Variants in LMOD2 observed in about 807,000 individuals in gnomAD.
The protein encoded by LMOD2 is leiomodin-2.
LMOD2 carries 27 observed loss-of-function variants against 41.7 expected under a neutral mutation model. The observed-to-expected ratio is 0.65, with a 90% confidence interval of 0.48 to 0.89. The LOEUF (loss-of-function observed/expected upper bound fraction) is 0.89. Ranked by LOEUF, LMOD2 falls within the 40% of genes least tolerant of loss-of-function variation. The pLI is 0.00. For synonymous variants in LMOD2, 251 were observed against 244.6 expected, an observed-to-expected ratio of 1.03 and a Z score of -0.25; for missense variants, 624 against 667.9, an observed-to-expected ratio of 0.93 and a Z score of 0.72.
chr7:123,660,043 CA>C (rs1170912301), intron 1 of LMOD2, among the ~76,000 whole-genome samples: 3 of 152,114 alleles, frequency 2.0e-5, no homozygotes, highest in African/African-American at 7.2e-5. Flanking sequence ...TACATACAAA[CA>C]CATGAACACA....
chr7:123,663,470 A>C (rs1802924947), intron 2 of LMOD2: 1 of 604,324 alleles, frequency 1.7e-6, no homozygotes, highest in Admixed American at 3.1e-5. Flanking sequence ...AATTCCCTTA[A>C]GAAGAAAACC....
At position 123,662,751 on chromosome 7, in the gene LMOD2, C is replaced by T. The variant is rs765373148; in HGVS notation, c.1165C>T (p.Pro389Ser). The T allele has an allele frequency of 6.2e-7, 1 of 1,613,952 alleles. No homozygotes were observed. The highest frequency in any genetic ancestry group is 8.5e-7 in the Non-Finnish European group (1 of 1,179,872). Reference sequence around the variant, plus strand: ...GCAAAGAGGAACACCTAGCTCTTCACCTTATGTATCTCCCAGGCACTCACC... The same window carrying T: ...GCAAAGAGGAACACCTAGCTCTTCATCTTATGTATCTCCCAGGCACTCACC... The part of the protein sequence containing the change: ...VWQRGTPSSS[P>S]YVSPRHSPWS... Residue 389 changes from proline to serine, a missense_variant, in exon 2 of 3, where the codon CCT (proline) becomes TCT (serine). Transcript: ENST00000458573. The surrounding 1 kb of genome is among the most constrained non-coding windows in gnomAD (Gnocchi z 4.0).
chr7:123,663,721 G>T lies in LMOD2; in HGVS notation c.1620G>T (p.Val540=). 1 of 1,579,002 alleles carries T rather than the reference G, an allele frequency of 6.3e-7. No individual in the cohort carries two copies. The highest frequency in any genetic ancestry group is 2.3e-5 in the East Asian group (1 of 43,846). The change falls in exon 3 of 3, where the codon GTG becomes GTT. Residue 540 remains valine, a splice_region_variant and synonymous_variant. Transcript: ENST00000458573. ...GAGAAAATCCGCTATTTTTGTAGGT[G>T]GAAGTTCCAGAAGCCCTGCGATAAA... ...RGSSIKQLKR[V]EVPEALR
chr7:123,663,611 A>G, intron 2 of LMOD2, 108 bp from the exon 3 acceptor site: 3 of 890,752 alleles, frequency 3.4e-6, no homozygotes, highest in Non-Finnish European at 5.3e-6. Flanking sequence ...ATGCAGCAAT[A>G]ATCAACCTGA....
At chr7:123,660,163 T>C (rs1802850009) in intron 1 of LMOD2, among the ~76,000 whole-genome samples, 1 of 152,180 alleles carries the variant, frequency 6.6e-6, no homozygotes, top group African/African-American at 2.4e-5. Flanking sequence ...GTTTCACTGC[T>C]GGACAGGGAA....
Position 123,662,019 on chromosome 7 carries a change from A to C in LMOD2, c.433A>C (p.Lys145Gln), listed in dbSNP as rs1172005171. ...DEEERTIETA[K>Q]GINGTVNYDS... ...AGAGGAAAGAACAATTGAAACTGCA[A>C]AAGGGATTAATGGAACTGTAAATTA... Residue 145 changes from lysine (K) to glutamine (Q), a missense_variant, in exon 2 of 3, where the codon AAA becomes CAA. Transcript: ENST00000458573. The surrounding 1 kb of genome is among the most constrained non-coding windows in gnomAD (Gnocchi z 4.0). 1 of 1,572,064 alleles carries C rather than the reference A, an allele frequency of 6.4e-7. No individual in the cohort carries two copies. Among genetic ancestry groups the C allele is most frequent in the South Asian group, 1.2e-5 (1 of 85,776 alleles).
At chr7:123,657,918 A>G (rs1186579143) in intron 1 of LMOD2, among the ~76,000 whole-genome samples, 1 of 139,816 alleles carries the variant, frequency 7.2e-6, no homozygotes, top group Non-Finnish European at 1.5e-5. Context: ...TCAGCATGGG[A>G]GGTTGAGGCT....
chr7:123,657,940 T>C (rs999352488), intron 1 of LMOD2, among the ~76,000 whole-genome samples: 27 of 143,662 alleles, frequency 1.9e-4, no homozygotes, highest in Non-Finnish European at 4.0e-4. Context: ...CAGTGAGCTA[T>C]GGTTGTGCCA....
Position 123,655,883 on chromosome 7 carries a change from C to A in LMOD2, c.-81C>A. ...CTAGCACCAGTTGTTGACCAGCCTG[C>A]CACTTGCCTCCCTGCCTGCTTCTGG... On this transcript the variant is annotated 5_prime_UTR_variant, in exon 1 of 3. Transcript: ENST00000458573. The A allele has an allele frequency of 7.5e-7, 1 of 1,334,464 alleles. No individual in the cohort carries two copies. Among genetic ancestry groups the A allele is most frequent in the Admixed American group, 2.1e-5 (1 of 47,052 alleles). The allele number at this position is 1,334,464 out of a possible 1,614,324, so 82.7% of individuals were successfully genotyped here. A position where few individuals can be genotyped will look rare whatever the true frequency, so the allele number is the denominator to read the frequency against.
At chr7:123,663,360 A>G (rs1320331875) in intron 2 of LMOD2, 157 bp downstream of exon 2, 2 of 927,862 alleles carry the variant, frequency 2.2e-6, no homozygotes, top group African/African-American at 3.4e-5. Flanking sequence ...CATTAGGAGC[A>G]GGCACACAAG....
intron 1 of LMOD2, among the ~76,000 whole-genome samples, chr7:123,656,454 T>C (rs1360348809): frequency 1.3e-5 from 2 of 152,236 alleles, no homozygotes; most frequent in African/African-American, 4.8e-5. Flanking sequence ...TTGGGGCTCT[T>C]TGATTGATTA....
In LMOD2 at chr7:123,661,943, G is replaced by A. The variant is rs1392865620; in HGVS notation, c.357G>A (p.Glu119=). ...NSEVSEEVYT[E]EEEEESQEEE... is the part of the protein sequence containing the mutation. ...AGGTTTCTGAGGAAGTGTATACAGA[G>A]GAGGAGGAGGAGGAGTCCCAGGAGG... Residue 119 remains glutamate (E), a synonymous_variant, in exon 2 of 3, where the codon GAG becomes GAA. Transcript: ENST00000458573. 6.6e-7 allele frequency: 1 copy of A among 1,504,010 alleles called. No homozygotes were observed. The highest frequency in any genetic ancestry group is 1.2e-5 in the South Asian group (1 of 80,472). The allele number at this position is 1,504,010 out of a possible 1,614,324, so 93.2% of individuals were successfully genotyped here.
intron 1 of LMOD2, among the ~76,000 whole-genome samples, 183 bp downstream of exon 1, chr7:123,656,419 G>A (rs972362926): frequency 6.6e-6 from 1 of 152,112 alleles, no homozygotes; most frequent in African/African-American, 2.4e-5. Context: ...GCCACCCAAT[G>A]GATCATAATA....
In LMOD2 at chr7:123,656,040, C is replaced by T. The variant is rs771930360; in HGVS notation, c.77C>T (p.Ser26Leu). Residue 26 changes from serine to leucine, a missense_variant, in exon 1 of 3, where the codon TCA (serine) becomes TTA (leucine). Transcript: ENST00000458573. The part of the protein sequence containing the change: ...IDEDELLASL[S>L]AEELKELERE... The stretch of plus-strand genomic sequence containing the variant: ...GAGGATGAACTCCTCGCCTCCCTGT[C>T]AGCCGAGGAGCTGAAGGAGCTAGAG... The T allele has an allele frequency of 6.2e-7, 1 of 1,611,114 alleles. No individual in the cohort carries two copies. Among genetic ancestry groups the T allele is most frequent in the South Asian group, 1.1e-5 (1 of 90,256 alleles).
chr7:123,659,939 C>A (rs1451426626), intron 1 of LMOD2, among the ~76,000 whole-genome samples: 3 of 152,064 alleles, frequency 2.0e-5, no homozygotes, highest in Non-Finnish European at 4.4e-5. Flanking sequence ...CTTTAAAAAA[C>A]CAAAGGGAGT....
chr7:123,660,494 T>C (rs1181910422), intron 1 of LMOD2, among the ~76,000 whole-genome samples: 1 of 152,006 alleles, frequency 6.6e-6, no homozygotes, highest in Non-Finnish European at 1.5e-5. Flanking sequence ...TGGAGGCTAT[T>C]TTGTGATAGC....
Position 123,658,294 on chromosome 7 carries a change from C to A in LMOD2, c.273+2058C>A, listed in dbSNP as rs142517496. ...CCTGCTGGCCAGCTGTCTGTAGTTG[C>A]CAGGCATGATGAGCAGGAACTTGCT... is the stretch of plus-strand genomic sequence containing the variant. On this transcript the variant is annotated intron_variant, in intron 1 of 2. Coordinates refer to ENST00000458573, the MANE Select transcript of LMOD2 (RefSeq NM_207163.3). 2.8e-3 allele frequency among the ~76,000 whole-genome samples: 429 copies of A among 152,244 alleles called. 3 individuals are homozygous for A. The highest frequency in any genetic ancestry group is 9.9e-3 in the African/African-American group (410 of 41,544).
At position 123,661,884 on chromosome 7, in the gene LMOD2, GAAGA is replaced by G; in HGVS notation, c.300_303del (p.Glu101SerfsTer50). The G allele has an allele frequency of 6.5e-7, 1 of 1,535,358 alleles. No homozygotes were observed. Among genetic ancestry groups the G allele is most frequent in the Non-Finnish European group, 8.8e-7 (1 of 1,140,092 alleles). On this transcript the variant is annotated frameshift_variant, in exon 2 of 3. Coordinates refer to ENST00000458573, the MANE Select transcript of LMOD2 (RefSeq NM_207163.3). LOFTEE classifies it high-confidence loss of function. ...GGTTGCAGAAGACAAAGAGGAAAGTGAAGAAGAGCTTATCTTTACTGAAAGTAAC... is the reference window on the plus strand; with the variant it reads ...GGTTGCAGAAGACAAAGAGGAAAGTGAGAGCTTATCTTTACTGAAAGTAAC...
rs780342449 is a variant in LMOD2, at chr7:123,663,073, T to C, written c.1487T>C (p.Ile496Thr). 3 of 1,557,924 alleles carry C rather than the reference T, an allele frequency of 1.9e-6. No individual in the cohort carries two copies. The highest frequency in any genetic ancestry group is 1.9e-5 in the Admixed American group (1 of 51,406). Reference sequence around the variant, plus strand: ...CAGCCAAACAGTATTCTAAAGGAAATAAAAAATTCTCTGAGGTCAGTGCAA... The same window carrying C: ...CAGCCAAACAGTATTCTAAAGGAAACAAAAAATTCTCTGAGGTCAGTGCAA... ...KKQPNSILKE[I>T]KNSLRSVQEK... is the part of the protein sequence containing the mutation. Residue 496 changes from isoleucine to threonine, a missense_variant, in exon 2 of 3, where the codon ATA becomes ACA. Ile to Thr is a moderately conservative substitution (Grantham distance 89). Transcript: ENST00000458573.
Sources: gnomAD v4.1 joint callset for allele counts (sites outside exome capture counted in the v4.1 genomes callset) on GRCh38, gnomAD v4.1.1 for gene constraint, Gnocchi (gnomAD v3.1) non-coding constraint, MANE v1.5 for transcripts, NCBI Gene and HGNC (gene_info 2026-07-23, HGNC 2026-07-21) for gene names.